SORCS1: variants seen among roughly 807,000 people sequenced by gnomAD.
SORCS1 encodes VPS10 domain-containing receptor SorCS1.
SORCS1 carries 60 observed loss-of-function variants against 146.1 expected under a neutral mutation model. That is an observed-to-expected ratio of 0.41 (90% CI 0.33 to 0.51). The LOEUF (loss-of-function observed/expected upper bound fraction) is 0.51. SORCS1 is among the 20% of genes least tolerant of loss of function. SORCS1 has a pLI of 0.21. For missense variants in SORCS1, 1,352 were observed against 1,487.6 expected, an observed-to-expected ratio of 0.91 and a Z score of 1.50; for synonymous variants, 637 against 584.0, an observed-to-expected ratio of 1.09 and a Z score of -1.31.
At chr10:106,836,216 T>C (rs571880590) in intron 2 of SORCS1, among the ~76,000 whole-genome samples, 2 of 151,544 alleles carry the variant, frequency 1.3e-5, no homozygotes, top group East Asian at 4.0e-4. Context: ...GGCTCACGCC[T>C]GTAATCCCAG....
chr10:107,016,193 A>G (rs1257899076), intron 1 of SORCS1, among the ~76,000 whole-genome samples: 4 of 152,358 alleles, frequency 2.6e-5, no homozygotes, highest in Non-Finnish European at 5.9e-5. Flanking sequence ...AAATTGGCTC[A>G]CAAGACATAC....
At chr10:106,795,635 T>C (rs997268787) in intron 3 of SORCS1, among the ~76,000 whole-genome samples, 6 of 152,196 alleles carry the variant, frequency 3.9e-5, no homozygotes, top group South Asian at 2.1e-4. Context: ...TTCTGAGCCA[T>C]TGAAATAATG....
chr10:107,135,139 C>T (rs1357975550), intron 1 of SORCS1, among the ~76,000 whole-genome samples: 3 of 152,102 alleles, frequency 2.0e-5, no homozygotes, highest in Admixed American at 1.3e-4. Context: ...GGTAATTATT[C>T]GTTATGGTAA....
intron 6 of SORCS1, among the ~76,000 whole-genome samples, chr10:106,711,373 A>G (rs1445596468): frequency 1.3e-5 from 2 of 152,232 alleles, no homozygotes; most frequent in Non-Finnish European, 2.9e-5. Flanking sequence ...GGTGGGGAAT[A>G]GTATGTAGAG....
At chr10:107,040,472 G>A (rs1312091212) in intron 1 of SORCS1, among the ~76,000 whole-genome samples, 1 of 152,132 alleles carries the variant, frequency 6.6e-6, no homozygotes, top group African/African-American at 2.4e-5. Context: ...TTTGGCCCAA[G>A]ACTCAAGGAC....
At chr10:106,955,514 G>A (rs552084563) in intron 2 of SORCS1, among the ~76,000 whole-genome samples, 121 of 152,348 alleles carry the variant, frequency 7.9e-4, no homozygotes, top group African/African-American at 2.9e-3. Context: ...GGCACTGCCG[G>A]CTGTGGAGGT....
At chr10:106,962,412 A>AG (rs1554896532) in intron 1 of SORCS1, among the ~76,000 whole-genome samples, 18 of 150,062 alleles carry the variant, frequency 1.2e-4, no homozygotes, top group Admixed American at 3.3e-4. Flanking sequence ...AAAAAAAAAA[A>AG]AAAGAAAGAA....
intron 1 of SORCS1, among the ~76,000 whole-genome samples, chr10:106,989,680 G>T (rs201082333): frequency 0.069 from 4,804 of 70,056 alleles, 462 homozygotes; most frequent in African/African-American, 0.16. Context: ...GTTTTTTTTT[G>T]TTTTTTTTTT....
At chr10:106,636,173 C>T (rs1007620508) in intron 18 of SORCS1, among the ~76,000 whole-genome samples, 3 of 151,828 alleles carry the variant, frequency 2.0e-5, no homozygotes, top group African/African-American at 7.3e-5. Context: ...AGTGAGAGGA[C>T]CACTTGAGCC....
At position 107,060,349 on chromosome 10, in the gene SORCS1, A is replaced by G. The variant is rs1254076782; in HGVS notation, c.558+103620T>C. ...TACTGAGGAGGGTTCTTGCGAGATTAAAGTTAATTAAAAGATGAGAAAGCC... is the reference window on the plus strand; with the variant it reads ...TACTGAGGAGGGTTCTTGCGAGATTGAAGTTAATTAAAAGATGAGAAAGCC... On this transcript the variant is annotated intron_variant, in intron 1 of 25. Coordinates refer to ENST00000263054, the MANE Select transcript of SORCS1 (RefSeq NM_052918.5). The surrounding 1 kb of genome is among the most constrained non-coding windows in gnomAD (Gnocchi z 4.1). Among the ~76,000 whole-genome samples, 2 of 152,220 alleles carry G rather than the reference A, an allele frequency of 1.3e-5. No homozygotes were observed. Among genetic ancestry groups the G allele is most frequent in the African/African-American group, 4.8e-5 (2 of 41,458 alleles).
intron 9 of SORCS1, among the ~76,000 whole-genome samples, chr10:106,689,949 T>A (rs1321796635): frequency 2.0e-5 from 3 of 152,206 alleles, no homozygotes; most frequent in Non-Finnish European, 2.9e-5. Context: ...AACAAGCATG[T>A]TAAACAACTA....
At chr10:106,885,946 A>T (rs1035790309) in intron 2 of SORCS1, among the ~76,000 whole-genome samples, 2 of 152,052 alleles carry the variant, frequency 1.3e-5, no homozygotes, top group African/African-American at 4.8e-5. Context: ...CCCTCTAGCC[A>T]TGTGCAACTG....
At chr10:107,042,666 G>T (rs1382194514) in intron 1 of SORCS1, among the ~76,000 whole-genome samples, 1 of 150,636 alleles carries the variant, frequency 6.6e-6, no homozygotes, top group Admixed American at 6.6e-5. Flanking sequence ...CTGGAGTGCA[G>T]TGGTGCAATC....
At chr10:106,894,218 G>A (rs1182504887) in intron 2 of SORCS1, among the ~76,000 whole-genome samples, 1 of 151,828 alleles carries the variant, frequency 6.6e-6, no homozygotes, top group African/African-American at 2.4e-5. Flanking sequence ...CATGTAGGAA[G>A]TTAGTGGGGC....
At chr10:106,878,942 T>C (rs1950708617) in intron 2 of SORCS1, among the ~76,000 whole-genome samples, 1 of 151,618 alleles carries the variant, frequency 6.6e-6, no homozygotes, top group African/African-American at 2.4e-5. Flanking sequence ...GGTCAGGAGA[T>C]TGAGACCATC....
At chr10:106,821,737 C>T (rs967156124) in intron 3 of SORCS1, among the ~76,000 whole-genome samples, 2 of 151,966 alleles carry the variant, frequency 1.3e-5, no homozygotes, top group African/African-American at 4.8e-5. Context: ...CTGGCTAAGA[C>T]TGTGAAACCA....
intron 2 of SORCS1, among the ~76,000 whole-genome samples, chr10:106,890,505 T>C (rs780359834): frequency 3.3e-5 from 5 of 152,166 alleles, no homozygotes; most frequent in Non-Finnish European, 7.4e-5. Context: ...ATGTGATCGC[T>C]AGCGATGAGT....
At chr10:107,000,715 A>G (rs1219512378) in intron 1 of SORCS1, among the ~76,000 whole-genome samples, 2 of 152,240 alleles carry the variant, frequency 1.3e-5, no homozygotes, top group Non-Finnish European at 2.9e-5. Flanking sequence ...TACAGGCAAG[A>G]AGATTGAACA....
chr10:106,787,161 T>C (rs753907038), intron 3 of SORCS1, among the ~76,000 whole-genome samples: 49 of 152,318 alleles, frequency 3.2e-4, no homozygotes, highest in Non-Finnish European at 5.1e-4. Flanking sequence ...TAATTAAGGA[T>C]CTGATATCAT....
Sources: allele counts gnomAD v4.1 joint callset (sites outside exome capture counted in the v4.1 genomes callset), GRCh38; gene constraint gnomAD v4.1.1; non-coding constraint Gnocchi (gnomAD v3.1); transcripts MANE v1.5; gene names NCBI Gene and HGNC (gene_info 2026-07-23, HGNC 2026-07-21).